Variants in EBF2 observed in about 807,000 individuals in gnomAD.
EBF2 encodes the protein EBF transcription factor 2, also known as transcription factor COE2.
In EBF2, 21 loss-of-function variants were observed where a neutral mutation model predicts 72.8. That is an observed-to-expected ratio of 0.29 (90% CI 0.20 to 0.42). The LOEUF (loss-of-function observed/expected upper bound fraction) is 0.42, where lower values mean the gene tolerates loss of function less well. EBF2 is among the 10% of genes least tolerant of loss of function. EBF2 has a pLI of 1.00. For synonymous variants in EBF2, 299 were observed against 274.2 expected, an observed-to-expected ratio of 1.09 and a Z score of -0.89; for missense variants, 637 against 731.2, an observed-to-expected ratio of 0.87 and a Z score of 1.49.
At chr8:25,909,789 G>T (rs1382371636) in intron 6 of EBF2, among the ~76,000 whole-genome samples, 1 of 152,230 alleles carries the variant, frequency 6.6e-6, no homozygotes, top group African/African-American at 2.4e-5. Context: ...AAGGAGGAGA[G>T]AAGGGGAATT....
At chr8:25,962,327 G>T (rs1201469682) in intron 6 of EBF2, among the ~76,000 whole-genome samples, 1 of 152,130 alleles carries the variant, frequency 6.6e-6, no homozygotes, top group Non-Finnish European at 1.5e-5. Flanking sequence ...CAGTTGCAAA[G>T]AGGGCTGTCT....
At chr8:25,849,787 C>G (rs911721061) in intron 15 of EBF2, among the ~76,000 whole-genome samples, 3 of 152,146 alleles carry the variant, frequency 2.0e-5, no homozygotes, top group African/African-American at 7.2e-5. Flanking sequence ...GAAACTATGA[C>G]TTTTCTATTC....
chr8:25,907,567 G>A (rs189545695), intron 7 of EBF2, among the ~76,000 whole-genome samples: 1 of 151,912 alleles, frequency 6.6e-6, no homozygotes, highest in Non-Finnish European at 1.5e-5. Context: ...CCGGCTCCTG[G>A]CTCCGGGCTT....
chr8:25,982,939 T>A (rs886364392), intron 6 of EBF2, among the ~76,000 whole-genome samples: 2 of 151,552 alleles, frequency 1.3e-5, no homozygotes, highest in African/African-American at 2.4e-5. Context: ...TATAAATTTC[T>A]ATGTATAAGG....
chr8:25,976,044 CA>C (rs1253976046), intron 6 of EBF2, among the ~76,000 whole-genome samples: 1 of 152,122 alleles, frequency 6.6e-6, no homozygotes, highest in African/African-American at 2.4e-5. Context: ...TCTGTAGAGT[CA>C]GATTTACTCA....
intron 10 of EBF2, among the ~76,000 whole-genome samples, chr8:25,864,900 C>T (rs1010815468): frequency 1.3e-5 from 2 of 151,524 alleles, no homozygotes; most frequent in Non-Finnish European, 2.9e-5. Flanking sequence ...CGGGTTCAAG[C>T]GATTCTCCTG....
At chr8:25,969,976 T>C (rs1427412276) in intron 6 of EBF2, among the ~76,000 whole-genome samples, 2 of 152,220 alleles carry the variant, frequency 1.3e-5, no homozygotes, top group Middle Eastern at 3.2e-3. Flanking sequence ...TATTATTTAC[T>C]ATCCTCACCA....
intron 6 of EBF2, among the ~76,000 whole-genome samples, chr8:25,983,170 G>A (rs557194876): frequency 3.9e-5 from 6 of 152,164 alleles, no homozygotes; most frequent in Admixed American, 1.3e-4. Flanking sequence ...AGAAATGGTC[G>A]CATACATTAT....
intron 10 of EBF2, among the ~76,000 whole-genome samples, chr8:25,878,077 G>A (rs1802552347): frequency 6.6e-6 from 1 of 152,168 alleles, no homozygotes; most frequent in Non-Finnish European, 1.5e-5. Context: ...CCGGATGAAA[G>A]TACACACAAG....
chr8:25,855,386 T>C (rs1229604322), intron 14 of EBF2, among the ~76,000 whole-genome samples: 2 of 152,198 alleles, frequency 1.3e-5, no homozygotes, highest in African/African-American at 4.8e-5. Flanking sequence ...GTGAAGTTTG[T>C]ATGTAAAATT....
chr8:26,002,634 T>C (rs1231759500), intron 6 of EBF2, among the ~76,000 whole-genome samples: 2 of 152,202 alleles, frequency 1.3e-5, no homozygotes, highest in African/African-American at 2.4e-5. Context: ...GAGTAAATAC[T>C]GCAGGATGGA....
At chr8:25,981,560 G>A (rs1426308913) in intron 6 of EBF2, among the ~76,000 whole-genome samples, 2 of 152,084 alleles carry the variant, frequency 1.3e-5, no homozygotes, top group Non-Finnish European at 2.9e-5. Context: ...AGTACTTTGG[G>A]AAACCGAGGT....
chr8:25,988,617 T>C (rs999572918), intron 6 of EBF2, among the ~76,000 whole-genome samples: 14 of 152,318 alleles, frequency 9.2e-5, no homozygotes, highest in African/African-American at 3.1e-4. Flanking sequence ...GTTATAGAAA[T>C]AGAAAAGTAA....
intron 6 of EBF2, among the ~76,000 whole-genome samples, chr8:26,005,839 A>G (rs1328229858): frequency 6.6e-6 from 1 of 151,238 alleles, no homozygotes; most frequent in Non-Finnish European, 1.5e-5. Flanking sequence ...TCAAAAAAAA[A>G]AAAAAAAGAT....
At position 25,844,858 on chromosome 8, in the gene EBF2, C is replaced by T. The variant is rs561090224; in HGVS notation, c.1697-218G>A. ...ATGGAATCACTGAAGTACAAGGAAA[C>T]CTTGATGAAGTTTTGCCTGGGAGGC... On this transcript the variant is annotated intron_variant, in intron 15 of 15. Transcript: ENST00000520164. Among the ~76,000 whole-genome samples the T allele has an allele frequency of 2.6e-4, 40 of 152,226 alleles. 1 individual carries two copies. The South Asian group carries it at 8.1e-3, about 31-fold the overall frequency.
chr8:26,033,244 A>G (rs1347530461), intron 5 of EBF2, 91 bp from the exon 6 acceptor site: 12 of 1,311,854 alleles, frequency 9.1e-6, no homozygotes, highest in South Asian at 2.4e-5. Context: ...TTCCCCCCAG[A>G]CAGAGTCTGG....
chr8:25,874,756 G>A (rs1156578614), intron 10 of EBF2, among the ~76,000 whole-genome samples: 1 of 151,754 alleles, frequency 6.6e-6, no homozygotes, highest in Admixed American at 6.6e-5. Flanking sequence ...TGCAATCATA[G>A]CTCACTGCAG....
At chr8:26,037,543 C>A (rs982158697) in intron 5 of EBF2, among the ~76,000 whole-genome samples, 2 of 152,166 alleles carry the variant, frequency 1.3e-5, no homozygotes, top group African/African-American at 4.8e-5. Context: ...CCCCACTGCC[C>A]GGCTGGCCCA....
chr8:25,992,347 A>C (rs1252611961), intron 6 of EBF2, among the ~76,000 whole-genome samples: 1 of 151,164 alleles, frequency 6.6e-6, no homozygotes, highest in African/African-American at 2.4e-5. Context: ...AAAAAAAAAA[A>C]AAAAAAAAAA....
Sources: allele counts gnomAD v4.1 joint callset (sites outside exome capture counted in the v4.1 genomes callset), GRCh38; gene constraint gnomAD v4.1.1; transcripts MANE v1.5; gene names NCBI Gene and HGNC (gene_info 2026-07-23, HGNC 2026-07-21).